Variants in DPP6 observed in about 807,000 individuals in gnomAD.
DPP6 encodes the protein A-type potassium channel modulatory protein DPP6.
DPP6 carries 69 observed loss-of-function variants against 122.6 expected under a neutral mutation model. The observed-to-expected ratio is 0.56, with a 90% CI of 0.46 to 0.69. DPP6 has a LOEUF of 0.69. DPP6 is among the 30% of genes least tolerant of loss of function. The pLI is 0.00. For missense variants in DPP6, 928 were observed against 1,116.9 expected (o/e 0.83, Z 2.41); for synonymous variants, 418 against 433.1 (o/e 0.97, Z 0.43).
intron 1 of DPP6, among the ~76,000 whole-genome samples, chr7:154,120,307 T>C (rs71532644): frequency 6.6e-6 from 1 of 152,010 alleles, no homozygotes; most frequent in East Asian, 1.9e-4. Flanking sequence ...TGCAGTGGTG[T>C]GATCTCAGCT....
chr7:154,160,887 C>T (rs1437138189), intron 1 of DPP6, among the ~76,000 whole-genome samples: 2 of 152,102 alleles, frequency 1.3e-5, no homozygotes, highest in African/African-American at 4.8e-5. Context: ...GGAGGGAATG[C>T]CAGAAACATG....
chr7:154,482,885 G>A (rs1182466842), intron 3 of DPP6, among the ~76,000 whole-genome samples: 1 of 152,160 alleles, frequency 6.6e-6, no homozygotes, highest in African/African-American at 2.4e-5. Context: ...TCAGGCCTGG[G>A]CAGCTGGAAT....
At chr7:154,793,564 C>T (rs1258722846) in intron 10 of DPP6, 1 of 152,418 alleles carries the variant, frequency 6.6e-6, no homozygotes, top group African/African-American at 2.4e-5. Flanking sequence ...GGTATTTTAT[C>T]TTTAAGGAGG....
At chr7:154,745,449 T>G (rs1437291704) in intron 8 of DPP6, among the ~76,000 whole-genome samples, 1 of 152,092 alleles carries the variant, frequency 6.6e-6, no homozygotes, top group Non-Finnish European at 1.5e-5. Flanking sequence ...AGAAAAAAAA[T>G]GTACCAGGCT....
chr7:154,085,007 A>AAAAAAC (rs1563182900), intron 1 of DPP6, among the ~76,000 whole-genome samples: 6 of 149,120 alleles, frequency 4.0e-5, no homozygotes, highest in South Asian at 2.1e-4. Context: ...AAAAAAAAAA[A>AAAAAAC]AAAACAGGTG....
chr7:154,204,128 C>T (rs1179175093), intron 1 of DPP6, among the ~76,000 whole-genome samples: 1 of 152,170 alleles, frequency 6.6e-6, no homozygotes, highest in Non-Finnish European at 1.5e-5. Context: ...GTGCCACCTG[C>T]GCAGTGGTGT....
At chr7:154,228,269 C>G (rs372306105) in intron 1 of DPP6, among the ~76,000 whole-genome samples, 1 of 152,062 alleles carries the variant, frequency 6.6e-6, no homozygotes, top group East Asian at 1.9e-4. Context: ...GGGTTTAACC[C>G]AACAATGAAG....
At chr7:154,370,614 A>G (rs1487777315) in intron 1 of DPP6, among the ~76,000 whole-genome samples, 1 of 152,200 alleles carries the variant, frequency 6.6e-6, no homozygotes, top group Non-Finnish European at 1.5e-5. Flanking sequence ...TAGTTCAGCA[A>G]CTGTTTAGTT....
chr7:154,343,554 G>T (rs1315740233), intron 1 of DPP6, among the ~76,000 whole-genome samples: 1 of 152,166 alleles, frequency 6.6e-6, no homozygotes, highest in African/African-American at 2.4e-5. Flanking sequence ...GATAAATATG[G>T]CACTCTGCTT....
chr7:154,683,521 T>C (rs758795466), intron 7 of DPP6, among the ~76,000 whole-genome samples: 7 of 152,202 alleles, frequency 4.6e-5, no homozygotes, highest in Non-Finnish European at 7.4e-5. Flanking sequence ...ATGCCTAGGT[T>C]CCTGTAACAG....
chr7:154,073,550 CTA>C (rs1413713497), intron 1 of DPP6, among the ~76,000 whole-genome samples: 1 of 152,204 alleles, frequency 6.6e-6, no homozygotes, highest in African/African-American at 2.4e-5. Flanking sequence ...GAGTACTTTT[CTA>C]TACTTACCTT....
intron 7 of DPP6, among the ~76,000 whole-genome samples, chr7:154,674,792 G>A (rs181952261): frequency 1.1e-3 from 166 of 152,282 alleles, no homozygotes; most frequent in Non-Finnish European, 2.0e-3. Context: ...AAGAGATAGC[G>A]TTCCCCAAAG....
At chr7:153,772,904 ATAT>A in the DPP6 span, among the ~76,000 whole-genome samples, 13 of 134,620 alleles carry the variant, frequency 9.7e-5, no homozygotes, top group Non-Finnish European at 1.7e-4. Flanking sequence ...AGACTTTTAT[ATAT>A]TATTATATAA....
chr7:154,057,204 C>T (rs1800902152), intron 1 of DPP6, among the ~76,000 whole-genome samples: 1 of 152,182 alleles, frequency 6.6e-6, no homozygotes. Flanking sequence ...TTGGCAGCAA[C>T]TGCCCAGCTA....
intron 2 of DPP6, among the ~76,000 whole-genome samples, chr7:154,464,919 T>C (rs1430195525): frequency 6.6e-6 from 1 of 152,222 alleles, no homozygotes; most frequent in South Asian, 2.1e-4. Context: ...ATCCTACTTA[T>C]ACTATGGGGT....
intron 7 of DPP6, among the ~76,000 whole-genome samples, chr7:154,717,473 A>G (rs1346201327): frequency 1.3e-5 from 2 of 152,156 alleles, no homozygotes; most frequent in Non-Finnish European, 1.5e-5. Context: ...TAGATGCCAC[A>G]TATGAGTGAG....
At chr7:154,587,859 AC>A (rs1380819105) in intron 5 of DPP6, 30 of 1,612,538 alleles carry the variant, frequency 1.9e-5, no homozygotes, top group African/African-American at 2.7e-5. Context: ...TACAAGGGGG[AC>A]CTGTTTCAGA....
intron 3 of DPP6, among the ~76,000 whole-genome samples, chr7:154,492,285 A>T (rs2131057): frequency 6.6e-6 from 1 of 152,218 alleles, no homozygotes; most frequent in Admixed American, 6.5e-5. Flanking sequence ...GCAGACGCAC[A>T]CCACATGGTT....
At chr7:154,814,151 G>A (rs1799266825) in intron 16 of DPP6, among the ~76,000 whole-genome samples, 1 of 152,020 alleles carries the variant, frequency 6.6e-6, no homozygotes, top group Admixed American at 6.6e-5. Flanking sequence ...AAAGTACTGG[G>A]ATTACAGGCT....
Sources: gnomAD v4.1 joint callset for allele counts (sites outside exome capture counted in the v4.1 genomes callset) on GRCh38, gnomAD v4.1.1 for gene constraint, MANE v1.5 for transcripts, NCBI Gene and HGNC (gene_info 2026-07-23, HGNC 2026-07-21) for gene names.